The following HOATZ variants were observed in gnomAD, a reference collection of about 807,000 sequenced individuals.
HOATZ encodes HOATZ cilia and flagella associated protein.
A neutral mutation model predicts 24.9 loss-of-function variants in HOATZ; 26 were observed. That is an observed-to-expected ratio of 1.04 (90% CI 0.76 to 1.45). HOATZ has a LOEUF of 1.45. Ranked by LOEUF, HOATZ falls within the 40% of genes most tolerant of loss-of-function variation. The pLI, the probability that HOATZ is intolerant of heterozygous loss-of-function variation, is 0.00. For missense variants in HOATZ, 226 were observed against 201.5 expected (o/e 1.12, Z -0.74); for synonymous variants, 83 against 76.6 (o/e 1.08, Z -0.43).
rs1867162036 is a variant in HOATZ, at chr11:111,514,984, C to G, written c.200C>G (p.Ala67Gly). The change falls in exon 1 of 6, where the codon GCG (alanine) becomes GGG (glycine). Residue 67 changes from alanine to glycine, a missense_variant. Ala to Gly is a moderately conservative substitution (Grantham distance 60, BLOSUM62 0). Coordinates refer to ENST00000375618, the MANE Select transcript of HOATZ (RefSeq NM_001100388.2). ...RRDSSQRLPV[A>G]RPRRSRGSEN... ...GACAGCAGTCAGCGTCTGCCGGTGGCGCGGCCCAGGAGGAGCAGAGGGTCT... is the reference window on the plus strand; with the variant it reads ...GACAGCAGTCAGCGTCTGCCGGTGGGGCGGCCCAGGAGGAGCAGAGGGTCT... The G allele has an allele frequency of 6.2e-7, 1 of 1,613,196 alleles. No individual in the cohort carries two copies. Among genetic ancestry groups the G allele is most frequent in the East Asian group, 2.2e-5 (1 of 44,882 alleles).
chr11:111,524,306 G>A (rs960108182), intron 3 of HOATZ, among the ~76,000 whole-genome samples: 1 of 152,212 alleles, frequency 6.6e-6, no homozygotes, highest in Non-Finnish European at 1.5e-5. Context: ...GTCACAGAAG[G>A]AAGTCACAGT....
At chr11:111,523,091 G>A (rs1867288644) in intron 3 of HOATZ, among the ~76,000 whole-genome samples, 1 of 151,816 alleles carries the variant, frequency 6.6e-6, no homozygotes, top group South Asian at 2.1e-4. Flanking sequence ...AAAAAATTGA[G>A]TTGTTCAACA....
intron 3 of HOATZ, among the ~76,000 whole-genome samples, chr11:111,533,083 G>C (rs1867410812): frequency 6.6e-6 from 1 of 152,296 alleles, no homozygotes; most frequent in East Asian, 1.9e-4. Flanking sequence ...AGAATGTGCA[G>C]GTCTCAATAT....
In HOATZ at chr11:111,534,635, G is replaced by A. The variant is rs558277701; in HGVS notation, c.452+171G>A. Reference sequence around the variant, plus strand: ...CTTCTCCGCACAGCTATTAAAGCCTGTGTACGAACTTGTCTGTCTGTGGAA... The same window carrying A: ...CTTCTCCGCACAGCTATTAAAGCCTATGTACGAACTTGTCTGTCTGTGGAA... On this transcript the variant is annotated intron_variant, in intron 5 of 5. Transcript: ENST00000375618. The A allele has an allele frequency of 4.5e-5, 28 of 622,020 alleles. No individual in the cohort carries two copies. The South Asian group carries it at 5.4e-4, about 12-fold the overall frequency. 38.5% of individuals were successfully genotyped at this position (622,020 alleles called of 1,614,324 possible). A position where few individuals can be genotyped will look rare whatever the true frequency, so the allele number is the denominator to read the frequency against.
Position 111,522,822 on chromosome 11 carries a change from TA to T in HOATZ, c.339+6724del, listed in dbSNP as rs35297664. ...CATTTGCAGACATGCGGAAAGTGGT[TA>T]AAAAAAAAAAATTGAGGCTGGGCAG... On this transcript the variant is annotated intron_variant, in intron 3 of 5. Coordinates refer to ENST00000375618, the MANE Select transcript of HOATZ (RefSeq NM_001100388.2). Among the ~76,000 whole-genome samples, 356 of 146,638 alleles carry T rather than the reference TA, an allele frequency of 2.4e-3. 1 individual carries two copies. Among genetic ancestry groups the T allele is most frequent in the African/African-American group, 6.9e-3 (277 of 40,266 alleles).
chr11:111,522,468 T>C (rs1273350853), intron 3 of HOATZ, among the ~76,000 whole-genome samples: 1 of 152,240 alleles, frequency 6.6e-6, no homozygotes, highest in South Asian at 2.1e-4. Flanking sequence ...CTTTGTACTT[T>C]GCCTCTATCT....
intron 3 of HOATZ, among the ~76,000 whole-genome samples, chr11:111,525,543 T>G (rs1867329800): frequency 6.6e-6 from 1 of 152,324 alleles, no homozygotes; most frequent in African/African-American, 2.4e-5. Flanking sequence ...TACAGAATGT[T>G]GGCCAGAAGC....
intron 3 of HOATZ, among the ~76,000 whole-genome samples, chr11:111,529,346 C>A (rs1867371411): frequency 6.6e-6 from 1 of 151,982 alleles, no homozygotes; most frequent in African/African-American, 2.4e-5. Context: ...TAAAATGAGA[C>A]TCATATTATT....
At chr11:111,527,392 G>A (rs1178357716) in intron 3 of HOATZ, among the ~76,000 whole-genome samples, 1 of 152,070 alleles carries the variant, frequency 6.6e-6, no homozygotes, top group Non-Finnish European at 1.5e-5. Context: ...AATGAAAAGT[G>A]TATATGTCAG....
At chr11:111,519,132 T>C in intron 3 of HOATZ, 1 of 409,898 alleles carries the variant, frequency 2.4e-6, no homozygotes, top group Non-Finnish European at 4.8e-6. Flanking sequence ...CTCAGCTTCC[T>C]CATATATAAA....
intron 2 of HOATZ, 62 bp from the exon 3 acceptor site, chr11:111,515,978 C>A (rs1867191869): frequency 1.8e-6 from 2 of 1,114,924 alleles, no homozygotes; most frequent in Non-Finnish European, 2.6e-6. Context: ...AATTTTATAT[C>A]AATTTTAGTA....
intron 5 of HOATZ, chr11:111,535,775 C>T (rs1434802632): frequency 6.6e-6 from 1 of 152,320 alleles, no homozygotes; most frequent in Non-Finnish European, 1.5e-5. Flanking sequence ...TCTCCTGCCT[C>T]AGCCTTCCAA....
chr11:111,515,364 A>T (rs921420675), intron 1 of HOATZ, 147 bp from the exon 2 acceptor site: 9 of 656,514 alleles, frequency 1.4e-5, no homozygotes, highest in African/African-American at 7.3e-5. Flanking sequence ...AGTCAACATT[A>T]CCAATGAACT....
intron 3 of HOATZ, chr11:111,524,937 C>G (rs1347655312): frequency 4.6e-6 from 2 of 436,084 alleles, no homozygotes; most frequent in Non-Finnish European, 9.2e-6. Flanking sequence ...TCATGGCTCA[C>G]TGCAGCCTCA....
chr11:111,535,809 C>G (rs1006259808), intron 5 of HOATZ: 1 of 152,236 alleles, frequency 6.6e-6, no homozygotes, highest in Admixed American at 6.5e-5. Context: ...CAGGCGCCCA[C>G]CACCATGCCC....
chr11:111,536,962 C>A lies in HOATZ; in HGVS notation c.*135C>A. 1 of 680,884 alleles carries A rather than the reference C, an allele frequency of 1.5e-6. No homozygotes were observed. The highest frequency in any genetic ancestry group is 2.6e-6 in the Non-Finnish European group (1 of 391,964). 42.2% of individuals were successfully genotyped at this position (680,884 alleles called of 1,614,324 possible). ...AATACAAGTTAAATACGCAGACTTC[C>A]AGGAATTTTACCAGTTAGTGAGTAC... On this transcript the variant is annotated 3_prime_UTR_variant, in exon 6 of 6. Transcript: ENST00000375618.
Position 111,537,003 on chromosome 11 carries a change from G to T in HOATZ, c.*176G>T. On this transcript the variant is annotated 3_prime_UTR_variant, in exon 6 of 6. Coordinates refer to ENST00000375618, the MANE Select transcript of HOATZ (RefSeq NM_001100388.2). ...TAGTGAGTACTTGTGTTAAAATAAA[G>T]AAATAAAGGTTAAATATGCAGGCTT... is the stretch of plus-strand genomic sequence containing the variant. The T allele has an allele frequency of 1.8e-6, 1 of 569,322 alleles. No individual in the cohort carries two copies. 35.3% of individuals were successfully genotyped at this position (569,322 alleles called of 1,614,324 possible). A position where few individuals can be genotyped will look rare whatever the true frequency, so the allele number is the denominator to read the frequency against.
intron 3 of HOATZ, among the ~76,000 whole-genome samples, chr11:111,531,980 C>T (rs888408496): frequency 6.6e-6 from 1 of 152,168 alleles, no homozygotes; most frequent in Non-Finnish European, 1.5e-5. Context: ...GCTGTTTCCT[C>T]TGCCTTAAAA....
At chr11:111,532,699 A>G (rs1390153895) in intron 3 of HOATZ, among the ~76,000 whole-genome samples, 2 of 152,240 alleles carry the variant, frequency 1.3e-5, no homozygotes, top group Admixed American at 1.3e-4. Context: ...AGTGTGTGGT[A>G]CTTTGTTACA....
Sources: allele counts gnomAD v4.1 joint callset (sites outside exome capture counted in the v4.1 genomes callset), GRCh38; gene constraint gnomAD v4.1.1; transcripts MANE v1.5; gene names NCBI Gene and HGNC (gene_info 2026-07-23, HGNC 2026-07-21).